The following AP3S1 variants were observed in gnomAD, a reference collection of about 807,000 sequenced individuals.
AP3S1 encodes adaptor related protein complex 3 subunit sigma 1.
In AP3S1, 12 loss-of-function variants were observed where a neutral mutation model predicts 21.3. The ratio of observed to expected loss-of-function variants is 0.56; its 90% CI spans 0.36 to 0.91. The LOEUF (loss-of-function observed/expected upper bound fraction) is 0.91. Among genes scored for constraint, AP3S1 ranks in the 40% least tolerant of loss-of-function variants. The pLI is 0.01. For synonymous variants in AP3S1, 48 were observed against 78.4 expected (o/e 0.61, Z 2.05); for missense variants, 116 against 225.0 (o/e 0.52, Z 3.10).
At chr5:115,842,148 T>C (rs754628724) in intron 1 of AP3S1, 42 bp downstream of exon 1, 2 of 1,525,750 alleles carry the variant, frequency 1.3e-6, no homozygotes, top group South Asian at 1.2e-5. Flanking sequence ...GGGGGAGTCG[T>C]TGGCGACGGG....
chr5:115,887,470 G>C (rs1386669204), intron 3 of AP3S1, among the ~76,000 whole-genome samples: 2 of 149,340 alleles, frequency 1.3e-5, no homozygotes, highest in African/African-American at 4.9e-5. Context: ...TTTTTACTTA[G>C]AAACTCAAAA....
intron 1 of AP3S1, chr5:115,842,511 G>C (rs944383427): frequency 6.2e-6 from 1 of 162,506 alleles, no homozygotes; most frequent in Admixed American, 6.5e-5. Context: ...CAGTTAGCCC[G>C]GGAGGAGGAA....
chr5:115,891,801 A>G (rs1029558932), intron 3 of AP3S1, among the ~76,000 whole-genome samples: 1 of 152,184 alleles, frequency 6.6e-6, no homozygotes, highest in African/African-American at 2.4e-5. Flanking sequence ...AGCCTGTGAA[A>G]GCAGCCAGGA....
At chr5:115,883,764 A>G (rs989746028) in intron 3 of AP3S1, among the ~76,000 whole-genome samples, 3 of 152,208 alleles carry the variant, frequency 2.0e-5, no homozygotes, top group African/African-American at 7.2e-5. Context: ...TAGGCGAAAT[A>G]CCATTTTAAA....
chr5:115,852,522 T>C (rs1762510745), intron 1 of AP3S1, among the ~76,000 whole-genome samples: 1 of 152,170 alleles, frequency 6.6e-6, no homozygotes, highest in Non-Finnish European at 1.5e-5. Flanking sequence ...CAGTGGCTTC[T>C]AGAATTATAT....
intron 1 of AP3S1, among the ~76,000 whole-genome samples, chr5:115,856,887 C>G (rs993470938): frequency 6.6e-6 from 1 of 152,276 alleles, no homozygotes; most frequent in African/African-American, 2.4e-5. Context: ...CCATGCAGTT[C>G]AGTAGATCAC....
intron 4 of AP3S1, among the ~76,000 whole-genome samples, chr5:115,898,493 A>G (rs1750948834): frequency 6.6e-6 from 1 of 152,202 alleles, no homozygotes; most frequent in Non-Finnish European, 1.5e-5. Context: ...GTGCCCCAAG[A>G]GGATAGGAAA....
In AP3S1 at chr5:115,848,019, A is replaced by G. The variant is rs534567086; in HGVS notation, c.69+5913A>G. ...CTAAACCTTTTGAATATTTAATTGT[A>G]AAGGAGGAAATAAAGTCTTCAAAGT... On this transcript the variant is annotated intron_variant, in intron 1 of 5. Transcript: ENST00000316788. Among the ~76,000 whole-genome samples, 5 of 152,342 alleles carry G rather than the reference A, an allele frequency of 3.3e-5. No homozygotes were observed. In the South Asian group the frequency reaches 1.0e-3, roughly 32 times the overall value.
At chr5:115,853,051 C>T (rs1762553661) in intron 1 of AP3S1, 1 of 454,084 alleles carries the variant, frequency 2.2e-6, no homozygotes, top group African/African-American at 2.0e-5. Context: ...AAATGCCAGA[C>T]TATATTCTAA....
chr5:115,855,105 C>T (rs949342997), intron 1 of AP3S1, among the ~76,000 whole-genome samples: 4 of 151,792 alleles, frequency 2.6e-5, no homozygotes, highest in South Asian at 2.1e-4. Flanking sequence ...GGTGCAATCT[C>T]GGCTCACTGC....
intron 3 of AP3S1, among the ~76,000 whole-genome samples, chr5:115,876,329 G>A (rs1472494215): frequency 6.6e-6 from 1 of 152,198 alleles, no homozygotes; most frequent in Non-Finnish European, 1.5e-5. Flanking sequence ...AGTGCTTAAA[G>A]TCAGAGTTTT....
At chr5:115,877,427 C>T (rs1328380451) in intron 3 of AP3S1, among the ~76,000 whole-genome samples, 1 of 152,134 alleles carries the variant, frequency 6.6e-6, no homozygotes, top group Non-Finnish European at 1.5e-5. Flanking sequence ...GTGCAACTCC[C>T]ACTTATGAAT....
intron 5 of AP3S1, among the ~76,000 whole-genome samples, chr5:115,905,133 A>G (rs1751538561): frequency 6.6e-6 from 1 of 152,174 alleles, no homozygotes; most frequent in Non-Finnish European, 1.5e-5. Flanking sequence ...AAAGTTTGCA[A>G]CCTCCGGCAT....
chr5:115,883,295 C>T (rs575656906), intron 3 of AP3S1, among the ~76,000 whole-genome samples: 13 of 152,316 alleles, frequency 8.5e-5, no homozygotes, highest in African/African-American at 2.9e-4. Context: ...CCCAAACGGC[C>T]ACCCAGTTTT....
intron 3 of AP3S1, among the ~76,000 whole-genome samples, chr5:115,894,882 A>C (rs1354206803): frequency 1.3e-5 from 2 of 152,166 alleles, no homozygotes; most frequent in African/African-American, 4.8e-5. Context: ...TTCTATACTT[A>C]TGTATTGAAA....
intron 4 of AP3S1, among the ~76,000 whole-genome samples, chr5:115,896,539 G>A (rs1750767612): frequency 6.6e-6 from 1 of 152,224 alleles, no homozygotes; most frequent in East Asian, 1.9e-4. Flanking sequence ...AGCAGTTTGG[G>A]AGGCTGAGGC....
intron 3 of AP3S1, among the ~76,000 whole-genome samples, chr5:115,894,411 C>G (rs1003837062): frequency 6.6e-6 from 1 of 152,138 alleles, no homozygotes; most frequent in African/African-American, 2.4e-5. Flanking sequence ...CAGCATGGCC[C>G]AAGACCTCCA....
intron 1 of AP3S1, among the ~76,000 whole-genome samples, chr5:115,857,006 A>G (rs1232435490): frequency 6.6e-6 from 1 of 152,168 alleles, no homozygotes; most frequent in Non-Finnish European, 1.5e-5. Context: ...AACCACCGCT[A>G]CTGATTTTCT....
At chr5:115,861,842 A>G (rs1191899856) in intron 1 of AP3S1, among the ~76,000 whole-genome samples, 1 of 147,970 alleles carries the variant, frequency 6.8e-6, no homozygotes, top group Non-Finnish European at 1.5e-5. Flanking sequence ...TCACTGAACC[A>G]GGCCAAAATT....
Sources: allele counts gnomAD v4.1 joint callset (sites outside exome capture counted in the v4.1 genomes callset), GRCh38; gene constraint gnomAD v4.1.1; transcripts MANE v1.5; gene names NCBI Gene and HGNC (gene_info 2026-07-23, HGNC 2026-07-21).